The following ZMYM2 variants were observed in gnomAD, a reference collection of about 807,000 sequenced individuals.
ZMYM2 encodes zinc finger MYM-type containing 2.
A neutral mutation model predicts 162.8 loss-of-function variants in ZMYM2; 56 were observed. The observed-to-expected ratio is 0.34, with a 90% CI of 0.28 to 0.43. ZMYM2 has a LOEUF of 0.43. ZMYM2 is among the 20% of genes least tolerant of loss of function. The pLI, the probability that ZMYM2 is intolerant of heterozygous loss-of-function variation, is 1.00. For synonymous variants in ZMYM2, 510 were observed against 541.6 expected (o/e 0.94, Z 0.81); for missense variants, 1,275 against 1,621.8 (o/e 0.79, Z 3.67).
chr13:20,011,613 T>C (rs1244606362), intron 6 of ZMYM2, among the ~76,000 whole-genome samples: 5 of 151,100 alleles, frequency 3.3e-5, no homozygotes, highest in South Asian at 4.2e-4. Flanking sequence ...GGAGTCTTGC[T>C]CTGTCACCCA....
chr13:20,001,486 T>C (rs1566264137), intron 3 of ZMYM2, among the ~76,000 whole-genome samples: 1 of 152,054 alleles, frequency 6.6e-6, no homozygotes, highest in Non-Finnish European at 1.5e-5. Flanking sequence ...TTGCTTTTTA[T>C]GGTTGAGCAA....
At chr13:20,085,140 C>G (rs1357721023) in intron 24 of ZMYM2, among the ~76,000 whole-genome samples, 1 of 152,122 alleles carries the variant, frequency 6.6e-6, no homozygotes, top group Admixed American at 6.5e-5. Flanking sequence ...GCTGAATAAC[C>G]TGTGTGTTAT....
intron 20 of ZMYM2, 101 bp downstream of exon 20, chr13:20,067,120 C>T: frequency 1.4e-6 from 2 of 1,381,208 alleles, no homozygotes; most frequent in Non-Finnish European, 1.9e-6. Context: ...ACTTAAAATA[C>T]CTGTAAGAAT....
chr13:19,981,138 G>A (rs1594150640), intron 2 of ZMYM2, among the ~76,000 whole-genome samples: 1 of 152,024 alleles, frequency 6.6e-6, no homozygotes, highest in Non-Finnish European at 1.5e-5. Context: ...TAGGCATGGC[G>A]GCACATTCCT....
At chr13:20,002,819 A>G (rs1566267470) in intron 3 of ZMYM2, 31 bp from the exon 4 acceptor site, 16 of 1,599,208 alleles carry the variant, frequency 1.0e-5, no homozygotes, top group Non-Finnish European at 1.4e-5. Context: ...CACTTGTTTC[A>G]TTATTCTTTC....
At chr13:19,904,932 T>C in the ZMYM2 span, among the ~76,000 whole-genome samples, 8 of 152,170 alleles carry the variant, frequency 5.3e-5, no homozygotes, top group East Asian at 1.3e-3. Flanking sequence ...AGTGGACGCT[T>C]GTGTTGGGTC....
chr13:19,876,594 A>G, the ZMYM2 span, among the ~76,000 whole-genome samples: 9 of 152,138 alleles, frequency 5.9e-5, no homozygotes, highest in Admixed American at 5.9e-4. Flanking sequence ...AAGTGCTAGG[A>G]TTACAGGCGT....
At chr13:19,865,739 C>T in the ZMYM2 span, among the ~76,000 whole-genome samples, 1 of 152,106 alleles carries the variant, frequency 6.6e-6, no homozygotes, top group Non-Finnish European at 1.5e-5. Context: ...GCAGGAATGA[C>T]AGGTTCATGT....
the ZMYM2 span, among the ~76,000 whole-genome samples, chr13:19,892,331 G>C: frequency 6.6e-6 from 1 of 151,596 alleles, no homozygotes; most frequent in Non-Finnish European, 1.5e-5. Context: ...GAGTGCAGTG[G>C]CGCAATCTCG....
In ZMYM2 at chr13:20,068,430, A is replaced by G. The variant is rs1956838797; in HGVS notation, c.3453+1040A>G. ...TAGAACATTAACCATAGAATTTACT[A>G]TAGAATTGTTAATGTTTCTAAACAA... is the stretch of plus-strand genomic sequence containing the variant. On this transcript the variant is annotated intron_variant, in intron 21 of 24. Coordinates refer to ENST00000610343, the MANE Select transcript of ZMYM2 (RefSeq NM_197968.4). 4.3e-5 allele frequency: 7 copies of G among 162,386 alleles called. 1 individual carries two copies. In the South Asian group the frequency reaches 6.1e-4, roughly 14 times the overall value. 10.1% of individuals were successfully genotyped at this position (162,386 alleles called of 1,614,324 possible). A position where few individuals can be genotyped will look rare whatever the true frequency, so the allele number is the denominator to read the frequency against.
At chr13:20,046,579 ATATGTGTGTGTG>A (rs1566387245) in intron 12 of ZMYM2, among the ~76,000 whole-genome samples, 1 of 41,082 alleles carries the variant, frequency 2.4e-5, no homozygotes, top group African/African-American at 5.7e-5. Context: ...ATATATATAT[ATATGTGTGTGTG>A]TGTGTGTGTG....
In ZMYM2 at chr13:19,993,735, G is replaced by T; in HGVS notation, c.663G>T (p.Gln221His). The change falls in exon 3 of 25, where the codon CAG becomes CAT. Residue 221 changes from glutamine (Q) to histidine (H), a missense_variant. Physicochemically the swap from Gln to His is conservative, Grantham distance 24 (BLOSUM62 0). Transcript: ENST00000610343. ...NLMITHVTSL[Q>H]NTNLGDVSNG... ...TGATTACACATGTAACATCACTGCA[G>T]AATACCAACTTGGGAGATGTCTCTA... The T allele has an allele frequency of 6.2e-7, 1 of 1,614,032 alleles. No homozygotes were observed. Among genetic ancestry groups the T allele is most frequent in the Non-Finnish European group, 8.5e-7 (1 of 1,179,912 alleles).
rs1958339440 is a variant in ZMYM2, at chr13:20,087,429, A to G, written c.*1415A>G. On this transcript the variant is annotated 3_prime_UTR_variant, in exon 25 of 25. Coordinates refer to ENST00000610343, the MANE Select transcript of ZMYM2 (RefSeq NM_197968.4). The stretch of plus-strand genomic sequence containing the variant: ...TTGGCTCTTTTCTAGCATGTGTGTA[A>G]TCATGTTTTCTTCTGATTCCTGAAT... The G allele has an allele frequency of 1.1e-5, 2 of 189,580 alleles. No individual in the cohort carries two copies. Among genetic ancestry groups the G allele is most frequent in the African/African-American group, 4.7e-5 (2 of 42,886 alleles). The allele number at this position is 189,580 out of a possible 1,614,324, so 11.7% of individuals were successfully genotyped here. A position where few individuals can be genotyped will look rare whatever the true frequency, so the allele number is the denominator to read the frequency against.
intron 2 of ZMYM2, among the ~76,000 whole-genome samples, chr13:19,977,496 CTT>C (rs35672590): frequency 9.9e-5 from 14 of 141,430 alleles, no homozygotes; most frequent in Admixed American, 1.4e-4. Flanking sequence ...CTTTCCATTT[CTT>C]TTTTTTTTTT....
intron 2 of ZMYM2, among the ~76,000 whole-genome samples, chr13:19,963,920 A>T (rs1335464439): frequency 6.6e-6 from 1 of 152,170 alleles, no homozygotes; most frequent in African/African-American, 2.4e-5. Context: ...GTCCTGTTTT[A>T]TTTTTAACTT....
the ZMYM2 span, among the ~76,000 whole-genome samples, chr13:19,919,864 G>A: frequency 5.3e-5 from 8 of 151,892 alleles, no homozygotes; most frequent in African/African-American, 1.2e-4. Flanking sequence ...TAGTAGAGAC[G>A]GAGTTTCACC....
At chr13:19,885,929 GTATACACATA>G in the ZMYM2 span, among the ~76,000 whole-genome samples, 1 of 41,562 alleles carries the variant, frequency 2.4e-5, no homozygotes, top group African/African-American at 9.8e-5. Context: ...ATATATATGT[GTATACACATA>G]TATATGTATA....
the ZMYM2 span, among the ~76,000 whole-genome samples, chr13:19,910,989 C>T: frequency 1.3e-5 from 2 of 151,014 alleles, no homozygotes; most frequent in African/African-American, 2.4e-5. Flanking sequence ...CAGATGAACA[C>T]ATGCCTAACC....
intron 21 of ZMYM2, among the ~76,000 whole-genome samples, chr13:20,075,495 G>A (rs566217582): frequency 3.3e-5 from 5 of 152,110 alleles, no homozygotes; most frequent in South Asian, 2.1e-4. Flanking sequence ...TATAAGGAAC[G>A]GTGGTTATTG....
Sources: allele counts gnomAD v4.1 joint callset (sites outside exome capture counted in the v4.1 genomes callset), GRCh38; gene constraint gnomAD v4.1.1; transcripts MANE v1.5; gene names NCBI Gene and HGNC (gene_info 2026-07-23, HGNC 2026-07-21).